Variants in FGD2 observed in about 807,000 individuals in gnomAD.
The protein encoded by FGD2 is FYVE, RhoGEF and PH domain containing 2.
In FGD2, 52 loss-of-function variants were observed where a neutral mutation model predicts 75.9. The ratio of observed to expected loss-of-function variants is 0.69; its 90% CI spans 0.55 to 0.86. The LOEUF (loss-of-function observed/expected upper bound fraction) is 0.86. Ranked by LOEUF, FGD2 falls within the 40% of genes least tolerant of loss-of-function variation. FGD2 has a pLI of 0.00. For synonymous variants in FGD2, 347 were observed against 348.6 expected, an observed-to-expected ratio of 1.00 and a Z score of 0.05; for missense variants, 790 against 872.0, an observed-to-expected ratio of 0.91 and a Z score of 1.18.
chr6:37,024,326 G>T (rs1765719056), intron 13 of FGD2: 1 of 151,980 alleles, frequency 6.6e-6, no homozygotes, highest in South Asian at 2.1e-4. Flanking sequence ...GGCAACAAAA[G>T]CAAAACTCCA....
intron 4 of FGD2, among the ~76,000 whole-genome samples, chr6:37,012,633 G>A (rs1015619643): frequency 6.6e-6 from 1 of 151,190 alleles, no homozygotes; most frequent in Admixed American, 6.6e-5. Flanking sequence ...GATTGCTGGA[G>A]CCCGGAAAGT....
At chr6:37,017,863 G>A (rs1246616872) in intron 9 of FGD2, among the ~76,000 whole-genome samples, 2 of 152,194 alleles carry the variant, frequency 1.3e-5, no homozygotes, top group African/African-American at 4.8e-5. Context: ...CTGGGGGTGG[G>A]GTGCAGCCTG....
intron 1 of FGD2, 58 bp from the exon 2 acceptor site, chr6:37,008,776 G>C: frequency 2.0e-6 from 3 of 1,477,302 alleles, no homozygotes; most frequent in South Asian, 1.4e-5. Context: ...CCAGGGACTT[G>C]CTGCTGTTTT....
chr6:37,020,478 A>T (rs532829449), intron 9 of FGD2, 63 bp from the exon 10 acceptor site: 1 of 1,475,710 alleles, frequency 6.8e-7, no homozygotes, highest in East Asian at 2.4e-5. Flanking sequence ...TCCCCTCCAC[A>T]GTGCTGTGCC....
chr6:37,021,578 C>T lies in FGD2; in HGVS notation c.1300C>T (p.Pro434Ser). ...AACCTTCAAGGCTGCGGCCCAGGGG[C>T]CTGAGGGAGACATCCAGGAGCAGGA... ...NETFKAAAQG[P>S]EGDIQEQELQ... Residue 434 changes from proline (P) to serine (S), a missense_variant, in exon 12 of 16, where the codon CCT (proline) becomes TCT (serine). Pro to Ser is a moderately conservative substitution (Grantham distance 74). Coordinates refer to ENST00000274963, the MANE Select transcript of FGD2 (RefSeq NM_173558.4). 6.2e-7 allele frequency: 1 copy of T among 1,614,036 alleles called. No individual in the cohort carries two copies. The highest frequency in any genetic ancestry group is 8.5e-7 in the Non-Finnish European group (1 of 1,179,934).
intron 1 of FGD2, among the ~76,000 whole-genome samples, chr6:37,007,717 T>C (rs1158031343): frequency 6.6e-6 from 1 of 152,142 alleles, no homozygotes; most frequent in Non-Finnish European, 1.5e-5. Context: ...CCAGGGGCCC[T>C]AGAACAGAAA....
At position 37,021,504 on chromosome 6, in the gene FGD2, C is replaced by T. The variant is rs757133216; in HGVS notation, c.1234-8C>T. ...CAAGCCCCGACCCTCCCCCTCCCTG[C>T]ACCCCAGGCCTTCCAAGCAGCCATT... On this transcript the variant is annotated splice_region_variant and splice_polypyrimidine_tract_variant and intron_variant, in intron 11 of 15. Coordinates refer to ENST00000274963, the MANE Select transcript of FGD2 (RefSeq NM_173558.4). 6.2e-7 allele frequency: 1 copy of T among 1,612,300 alleles called. No homozygotes were observed. Among genetic ancestry groups the T allele is most frequent in the South Asian group, 1.1e-5 (1 of 90,574 alleles).
At chr6:37,021,963 G>C (rs901479629) in intron 12 of FGD2, 36 of 507,978 alleles carry the variant, frequency 7.1e-5, no homozygotes, top group African/African-American at 6.4e-4. Context: ...TCTGTGGTTT[G>C]AGTTCAGATT....
rs780269753 is a variant in FGD2, at chr6:37,011,850, G to A, written c.523G>A (p.Asp175Asn). 49 of 1,613,492 alleles carry A rather than the reference G, an allele frequency of 3.0e-5. No homozygotes were observed. In the Admixed American group the frequency reaches 4.5e-4, roughly 15 times the overall value. ...FLPELQRRLD[D>N]WTANPRIGDV... Reference sequence around the variant, plus strand: ...CCCAGAGCTGCAGCGGCGCCTGGACGACTGGTGAGGTCCACCAGGAGCCCC... The same window carrying A: ...CCCAGAGCTGCAGCGGCGCCTGGACAACTGGTGAGGTCCACCAGGAGCCCC... Residue 175 changes from aspartate (D) to asparagine (N), a missense_variant, in exon 4 of 16, where the codon GAC becomes AAC. Physicochemically the swap from Asp to Asn is conservative, Grantham distance 23. Coordinates refer to ENST00000274963, the MANE Select transcript of FGD2 (RefSeq NM_173558.4).
intron 9 of FGD2, among the ~76,000 whole-genome samples, chr6:37,016,534 AT>A (rs59713417): frequency 0.52 from 71,386 of 136,560 alleles, 18,299 homozygotes; most frequent in East Asian, 0.87. Flanking sequence ...AATCTTCTGG[AT>A]TTTTTTTTTT....
At chr6:37,022,705 C>A in intron 13 of FGD2, 1 of 275,990 alleles carries the variant, frequency 3.6e-6, no homozygotes, top group Non-Finnish European at 6.9e-6. Flanking sequence ...GTCACCCAGG[C>A]CTCTACCTGT....
intron 11 of FGD2, among the ~76,000 whole-genome samples, chr6:37,020,974 GTGTT>G (rs987569214): frequency 8.6e-5 from 13 of 151,370 alleles, no homozygotes; most frequent in African/African-American, 1.9e-4. Context: ...GTTTGTGTGT[GTGTT>G]TGTGTGTATG....
At chr6:37,011,184 T>C in intron 3 of FGD2, 134 bp downstream of exon 3, 4 of 788,896 alleles carry the variant, frequency 5.1e-6, no homozygotes, top group Non-Finnish European at 6.4e-6. Flanking sequence ...CCTTGGCCCT[T>C]TAACCTCAAT....
Position 37,028,049 on chromosome 6 carries a change from C to CTGTG in FGD2, c.1855_1856insGTGT (p.Tyr619CysfsTer61), listed in dbSNP as rs1408710525. 6.2e-7 allele frequency: 1 copy of CTGTG among 1,614,046 alleles called. No individual in the cohort carries two copies. Among genetic ancestry groups the CTGTG allele is most frequent in the South Asian group, 1.1e-5 (1 of 91,082 alleles). ...TCCAGCTACAGCAGTCAGGCCAGCTCTACACCTTCAAGGCCGAGACGGAGG... is the reference window on the plus strand; with the variant it reads ...TCCAGCTACAGCAGTCAGGCCAGCTCTGTGTACACCTTCAAGGCCGAGACGGAGG... On this transcript the variant is annotated frameshift_variant, in exon 16 of 16. Transcript: ENST00000274963. LOFTEE classifies it low-confidence loss of function (END_TRUNC).
In FGD2 at chr6:37,010,954, C is replaced by T. The variant is rs762085063; in HGVS notation, c.301-19C>T. 1.2e-6 allele frequency: 2 copies of T among 1,612,716 alleles called. No individual in the cohort carries two copies. The highest frequency in any genetic ancestry group is 1.7e-6 in the Non-Finnish European group (2 of 1,178,764). On this transcript the variant is annotated intron_variant, in intron 2 of 15. Transcript: ENST00000274963. ...GTCTTCCCCCTTTTTCTCCTTCTCT[C>T]CCCTCCAATCCTCCGCAGGAGCCAG...
At chr6:37,026,167 C>T (rs564860180) in intron 14 of FGD2, 145 of 985,428 alleles carry the variant, frequency 1.5e-4, no homozygotes, top group East Asian at 1.0e-3. Context: ...TGCAGGCTGT[C>T]GTCCACATTC....
At chr6:37,009,416 G>A (rs1024073777) in intron 2 of FGD2, 4 of 223,244 alleles carry the variant, frequency 1.8e-5, no homozygotes, top group Non-Finnish European at 2.7e-5. Flanking sequence ...ACCCACTGGA[G>A]GAGACAACAA....
chr6:37,021,860 A>T, intron 12 of FGD2: 1 of 492,434 alleles, frequency 2.0e-6, no homozygotes, highest in Non-Finnish European at 3.6e-6. Context: ...CTCCAGCTGC[A>T]GGGGGCAGTA....
At chr6:37,009,173 GGT>G in intron 2 of FGD2, 108 bp downstream of exon 2, 1 of 1,075,196 alleles carries the variant, frequency 9.3e-7, no homozygotes, top group Non-Finnish European at 1.3e-6. Flanking sequence ...CCCAGGTGGG[GGT>G]ATGGTGTGAT....
Sources: gnomAD v4.1 joint callset for allele counts (sites outside exome capture counted in the v4.1 genomes callset) on GRCh38, gnomAD v4.1.1 for gene constraint, MANE v1.5 for transcripts, NCBI Gene and HGNC (gene_info 2026-07-23, HGNC 2026-07-21) for gene names.